The following EML6 variants were observed in gnomAD, a reference collection of about 807,000 sequenced individuals.
EML6 encodes the protein EMAP like 6.
A neutral mutation model predicts 240.1 loss-of-function variants in EML6; 154 were observed. That is an observed-to-expected ratio of 0.64 (90% CI 0.56 to 0.73). EML6 has a LOEUF of 0.73. Among genes scored for constraint, EML6 ranks in the 30% least tolerant of loss-of-function variants. The pLI is 0.00. For missense variants in EML6, 2,964 were observed against 2,474.6 expected (o/e 1.20, Z -4.20); for synonymous variants, 1,148 against 899.0 (o/e 1.28, Z -4.95).
At chr2:54,756,394 T>C (rs777268388) in intron 2 of EML6, among the ~76,000 whole-genome samples, 1 of 152,220 alleles carries the variant, frequency 6.6e-6, no homozygotes, top group Non-Finnish European at 1.5e-5. Flanking sequence ...AGTGGATGTC[T>C]AAATGTTAAC....
Position 54,916,927 on chromosome 2 carries a change from C to G in EML6, c.3667C>G (p.Pro1223Ala). The G allele has an allele frequency of 6.5e-7, 1 of 1,540,140 alleles. No homozygotes were observed. The highest frequency in any genetic ancestry group is 8.8e-7 in the Non-Finnish European group (1 of 1,137,216). Residue 1223 changes from proline (P) to alanine (A), a missense_variant, in exon 26 of 42, where the codon CCT becomes GCT. By Grantham distance (27) the Pro-to-Ala change is conservative (BLOSUM62 -1). Coordinates refer to ENST00000356458, the MANE Select transcript of EML6 (RefSeq NM_001039753.4). ...DFGFVKLFSY[P>A]VKGQHARFKK... ...TGGTTTCGTTAAGCTTTTTTCATAT[C>G]CTGTCAAGGTAATATTGCGTGTTTA...
chr2:54,894,780 C>G (rs1672672290), intron 19 of EML6, 135 bp from the exon 20 acceptor site: 2 of 602,362 alleles, frequency 3.3e-6, no homozygotes, highest in Admixed American at 2.9e-5. Context: ...TTGTTATCAC[C>G]AGAGTTTTCC....
chr2:54,815,867 TCA>T (rs1390876847), intron 3 of EML6, among the ~76,000 whole-genome samples: 1 of 152,210 alleles, frequency 6.6e-6, no homozygotes, highest in Non-Finnish European at 1.5e-5. Context: ...TACTCAGTAC[TCA>T]CACACTCTTA....
chr2:54,837,801 A>T (rs1384935290), intron 7 of EML6, among the ~76,000 whole-genome samples: 1 of 152,180 alleles, frequency 6.6e-6, no homozygotes, highest in African/African-American at 2.4e-5. Flanking sequence ...ACCAACTGGG[A>T]GGAATATCTG....
rs1671009104 is a variant in EML6 at position 54,867,053 on chromosome 2, T to A, written c.2051+169T>A. On this transcript the variant is annotated intron_variant, in intron 14 of 41. Coordinates refer to ENST00000356458, the MANE Select transcript of EML6 (RefSeq NM_001039753.4). ...CTGTGGTTGCTATTTTAAGTGTGAC[T>A]CTCTATCCACTTCCCTCGTTGATGT... 1.0e-5 allele frequency: 5 copies of A among 482,902 alleles called. No homozygotes were observed. In the South Asian group the frequency reaches 1.9e-4, roughly 19 times the overall value. The allele number at this position is 482,902 out of a possible 1,614,324, so 29.9% of individuals were successfully genotyped here. A position where few individuals can be genotyped will look rare whatever the true frequency, so the allele number is the denominator to read the frequency against.
At position 54,954,096 on chromosome 2, in the gene EML6, C is replaced by T; in HGVS notation, c.4426C>T (p.Leu1476Phe). ...NYINFSATGK[L>F]LVSVGVDPEH... is the part of the protein sequence containing the mutation. Reference sequence around the variant, plus strand: ...CATCAACTTCAGTGCAACTGGAAAGCTCCTGGTGTCGGTGGGAGTGGACCC... The same window carrying T: ...CATCAACTTCAGTGCAACTGGAAAGTTCCTGGTGTCGGTGGGAGTGGACCC... Residue 1476 changes from leucine to phenylalanine, a missense_variant, in exon 32 of 42, where the codon CTC becomes TTC. Leu to Phe is a conservative substitution (Grantham distance 22, BLOSUM62 0). Transcript: ENST00000356458. The T allele has an allele frequency of 6.4e-7, 1 of 1,551,776 alleles. No individual in the cohort carries two copies. Among genetic ancestry groups the T allele is most frequent in the Non-Finnish European group, 8.7e-7 (1 of 1,147,014 alleles).
At chr2:54,819,645 A>C (rs1445524402) in intron 4 of EML6, among the ~76,000 whole-genome samples, 1 of 151,978 alleles carries the variant, frequency 6.6e-6, no homozygotes, top group Non-Finnish European at 1.5e-5. Context: ...GCGTGGTGGC[A>C]CGCGCCTGTA....
chr2:54,931,639 A>T (rs115063377), intron 28 of EML6, among the ~76,000 whole-genome samples: 3,648 of 152,218 alleles, frequency 0.024, 71 homozygotes, highest in Non-Finnish European at 0.034. Context: ...TTCCGTATAT[A>T]CCTGCAGATA....
chr2:54,729,585 G>T (rs1184651528), intron 2 of EML6, among the ~76,000 whole-genome samples: 1 of 152,188 alleles, frequency 6.6e-6, no homozygotes, highest in East Asian at 1.9e-4. Context: ...GATCTTGCCT[G>T]TTGTCACTGT....
chr2:54,830,826 A>C (rs1668833119), intron 7 of EML6, among the ~76,000 whole-genome samples: 1 of 152,198 alleles, frequency 6.6e-6, no homozygotes, highest in Non-Finnish European at 1.5e-5. Context: ...ATGTGCATCT[A>C]AGTCAACTAA....
intron 2 of EML6, among the ~76,000 whole-genome samples, chr2:54,735,913 C>T (rs954873964): frequency 6.6e-6 from 1 of 152,178 alleles, no homozygotes; most frequent in African/African-American, 2.4e-5. Flanking sequence ...AGAAGTAGGG[C>T]TTCGAGGGAA....
At chr2:54,827,496 A>G (rs1373182871) in intron 5 of EML6, 70 bp from the exon 6 acceptor site, 1 of 1,272,938 alleles carries the variant, frequency 7.9e-7, no homozygotes, top group Non-Finnish European at 1.1e-6. Context: ...GCACTGAAGT[A>G]TAAATAAACA....
intron 2 of EML6, among the ~76,000 whole-genome samples, chr2:54,809,681 G>A (rs1667729257): frequency 6.6e-6 from 1 of 151,936 alleles, no homozygotes; most frequent in South Asian, 2.1e-4. Flanking sequence ...AAAGATGTGT[G>A]GAATTTTATT....
At position 54,751,604 on chromosome 2, in the gene EML6, C is replaced by T. The variant is rs577352097; in HGVS notation, c.197+26346C>T. On this transcript the variant is annotated intron_variant, in intron 2 of 41. Coordinates refer to ENST00000356458, the MANE Select transcript of EML6 (RefSeq NM_001039753.4). ...CCCGTCCCCTCAACCTTCCATCCCC[C>T]ATATCCTTATCAAACTTTAGACAGA... Among the ~76,000 whole-genome samples the T allele has an allele frequency of 5.3e-5, 8 of 152,252 alleles. No individual in the cohort carries two copies. In the East Asian group the frequency reaches 1.5e-3, roughly 29 times the overall value.
intron 2 of EML6, among the ~76,000 whole-genome samples, chr2:54,811,495 G>A (rs992382964): frequency 4.6e-5 from 7 of 152,060 alleles, no homozygotes; most frequent in African/African-American, 1.2e-4. Flanking sequence ...ATCTTTCTGT[G>A]TTACTGTGTA....
chr2:54,922,691 A>G (rs979988555), intron 26 of EML6, among the ~76,000 whole-genome samples: 4 of 152,198 alleles, frequency 2.6e-5, no homozygotes, highest in Non-Finnish European at 2.9e-5. Context: ...GTATATATAC[A>G]TATACATGGT....
intron 21 of EML6, among the ~76,000 whole-genome samples, chr2:54,895,950 G>A (rs1048264080): frequency 5.9e-5 from 9 of 152,188 alleles, no homozygotes; most frequent in Admixed American, 2.6e-4. Flanking sequence ...CACATATGTG[G>A]AATCATAACA....
At chr2:54,849,921 T>A in intron 9 of EML6, 41 bp from the exon 10 acceptor site, 1 of 1,505,828 alleles carries the variant, frequency 6.6e-7, no homozygotes, top group Non-Finnish European at 9.0e-7. Flanking sequence ...ATTTTCTATT[T>A]GTAGAATTGC....
intron 28 of EML6, among the ~76,000 whole-genome samples, chr2:54,943,615 G>C (rs1675539158): frequency 6.6e-6 from 1 of 152,038 alleles, no homozygotes; most frequent in South Asian, 2.1e-4. Flanking sequence ...TAACCCCTGA[G>C]TCCAGTGACT....
Sources: allele counts gnomAD v4.1 joint callset (sites outside exome capture counted in the v4.1 genomes callset), GRCh38; gene constraint gnomAD v4.1.1; transcripts MANE v1.5; gene names NCBI Gene and HGNC (gene_info 2026-07-23, HGNC 2026-07-21).